The following CCDC181 variants were observed in gnomAD, a reference collection of about 807,000 sequenced individuals.
CCDC181 encodes the protein coiled-coil domain-containing protein 181.
A neutral mutation model predicts 58.7 loss-of-function variants in CCDC181; 35 were observed. That is an observed-to-expected ratio of 0.60 (90% CI 0.46 to 0.79). The LOEUF (loss-of-function observed/expected upper bound fraction) is 0.79. Among genes scored for constraint, CCDC181 ranks in the 30% least tolerant of loss-of-function variants. The pLI is 0.00. For synonymous variants in CCDC181, 183 were observed against 197.5 expected, an observed-to-expected ratio of 0.93 and a Z score of 0.62; for missense variants, 517 against 583.9, an observed-to-expected ratio of 0.89 and a Z score of 1.18.
intron 4 of CCDC181, among the ~76,000 whole-genome samples, chr1:169,405,529 C>T (rs1350399023): frequency 6.6e-6 from 1 of 152,154 alleles, no homozygotes; most frequent in Non-Finnish European, 1.5e-5. Context: ...TGATCTTTGA[C>T]AAACCTCACA....
At chr1:169,445,179 C>A (rs563536791) in intron 2 of CCDC181, among the ~76,000 whole-genome samples, 1 of 152,270 alleles carries the variant, frequency 6.6e-6, no homozygotes, top group East Asian at 1.9e-4. Flanking sequence ...TCCTTCCTAT[C>A]GTTCAGATGA....
intron 4 of CCDC181, among the ~76,000 whole-genome samples, chr1:169,410,270 C>T (rs1655893874): frequency 6.7e-6 from 1 of 150,332 alleles, no homozygotes; most frequent in East Asian, 1.9e-4. Flanking sequence ...TACTTTAAAC[C>T]AACAAAGATC....
intron 4 of CCDC181, among the ~76,000 whole-genome samples, chr1:169,402,929 T>C (rs1253468095): frequency 1.4e-5 from 2 of 147,844 alleles, no homozygotes; most frequent in Non-Finnish European, 3.0e-5. Flanking sequence ...GAGACACACA[T>C]AGGCTCAAAA....
chr1:169,422,914 T>C (rs766174697), intron 2 of CCDC181, among the ~76,000 whole-genome samples: 1 of 151,802 alleles, frequency 6.6e-6, no homozygotes, highest in East Asian at 1.9e-4. Flanking sequence ...CACCATCAGA[T>C]AACTTGGCCT....
At chr1:169,449,714 G>C (rs1226606978) in intron 2 of CCDC181, among the ~76,000 whole-genome samples, 1 of 152,210 alleles carries the variant, frequency 6.6e-6, no homozygotes, top group South Asian at 2.1e-4. Context: ...AAAGATGAAG[G>C]CTGGAAGACT....
At position 169,421,405 on chromosome 1, in the gene CCDC181, T is replaced by C. The variant is rs1656446366; in HGVS notation, c.1026A>G (p.Leu342=). ...TYCLSPRQKE[L]QKQLEEKREK... Reference sequence around the variant, plus strand: ...CTCTCTTTTCTTCTAGTTGTTTTTGTAGTTCTTTCTGTCGAGGGGAAAGAC... The same window carrying C: ...CTCTCTTTTCTTCTAGTTGTTTTTGCAGTTCTTTCTGTCGAGGGGAAAGAC... Residue 342 remains leucine, a synonymous_variant, in exon 3 of 6, where the codon CTA becomes CTG. Coordinates refer to ENST00000367806, the MANE Select transcript of CCDC181 (RefSeq NM_001300969.2). 2 of 1,612,866 alleles carry C rather than the reference T, an allele frequency of 1.2e-6. No individual in the cohort carries two copies. The highest frequency in any genetic ancestry group is 8.5e-7 in the Non-Finnish European group (1 of 1,179,848).
chr1:169,428,532 G>T (rs569051252), upstream of CCDC181, among the ~76,000 whole-genome samples: 3 of 152,260 alleles, frequency 2.0e-5, no homozygotes, highest in South Asian at 6.2e-4. Flanking sequence ...GGTTTTGGGG[G>T]AACAGGTGGT....
intron 4 of CCDC181, among the ~76,000 whole-genome samples, chr1:169,400,280 A>C (rs532367554): frequency 6.6e-6 from 1 of 152,268 alleles, no homozygotes; most frequent in African/African-American, 2.4e-5. Context: ...AGCAAAATAA[A>C]CCCATCCTAA....
At chr1:169,408,964 A>G (rs1571474673) in intron 4 of CCDC181, among the ~76,000 whole-genome samples, 1 of 152,294 alleles carries the variant, frequency 6.6e-6, no homozygotes, top group Admixed American at 6.5e-5. Flanking sequence ...AATTCCAAAA[A>G]CCAGAATGCC....
At chr1:169,455,393 T>C (rs969965929) in intron 2 of CCDC181, among the ~76,000 whole-genome samples, 3 of 152,056 alleles carry the variant, frequency 2.0e-5, no homozygotes, top group Non-Finnish European at 2.9e-5. Flanking sequence ...CTTAAGAAAA[T>C]ATATCAGGCC....
intron 2 of CCDC181, among the ~76,000 whole-genome samples, chr1:169,457,381 A>G (rs760991682): frequency 6.6e-6 from 1 of 151,806 alleles, no homozygotes; most frequent in African/African-American, 2.4e-5. Flanking sequence ...CATTCTGTTC[A>G]CCTTATATCT....
intron 4 of CCDC181, among the ~76,000 whole-genome samples, chr1:169,415,099 C>T (rs1399481685): frequency 6.6e-6 from 1 of 152,148 alleles, no homozygotes; most frequent in African/African-American, 2.4e-5. Context: ...TCCAAGATTA[C>T]TATTTACTAT....
intron 2 of CCDC181, among the ~76,000 whole-genome samples, chr1:169,455,993 T>C (rs988371185): frequency 2.0e-5 from 3 of 152,178 alleles, no homozygotes; most frequent in African/African-American, 7.2e-5. Context: ...AGATTTGATT[T>C]TTTTTCTCTC....
chr1:169,420,620 C>T (rs1370052937), intron 3 of CCDC181, among the ~76,000 whole-genome samples: 1 of 152,084 alleles, frequency 6.6e-6, no homozygotes, highest in East Asian at 1.9e-4. Flanking sequence ...GGTCACTTCT[C>T]ATGTATTATC....
intron 4 of CCDC181, among the ~76,000 whole-genome samples, chr1:169,416,425 A>G (rs1571485596): frequency 6.6e-6 from 1 of 152,240 alleles, no homozygotes; most frequent in East Asian, 1.9e-4. Flanking sequence ...CTAGTCAGCC[A>G]TCTTGGCCCC....
chr1:169,442,476 C>T (rs1378350931), intron 2 of CCDC181, among the ~76,000 whole-genome samples: 1 of 152,018 alleles, frequency 6.6e-6, no homozygotes. Context: ...CTAATAAGCT[C>T]AGATCTCTGA....
chr1:169,440,372 A>T (rs989036809), intron 2 of CCDC181, among the ~76,000 whole-genome samples: 26 of 152,234 alleles, frequency 1.7e-4, no homozygotes, highest in African/African-American at 5.8e-4. Flanking sequence ...CACTGCCTAG[A>T]CAGAGCCTGA....
chr1:169,459,607 T>G (rs943002194), intron 2 of CCDC181, among the ~76,000 whole-genome samples: 27 of 152,136 alleles, frequency 1.8e-4, no homozygotes, highest in Admixed American at 1.6e-3. Context: ...GAAAAAACTA[T>G]AACTGGGAGT....
chr1:169,429,517 C>T (rs1210602648), upstream of CCDC181, among the ~76,000 whole-genome samples: 5 of 152,010 alleles, frequency 3.3e-5, no homozygotes, highest in Non-Finnish European at 5.9e-5. Context: ...AAGGTGGTAT[C>T]GTATTGAGGT....
Sources: allele counts gnomAD v4.1 joint callset (sites outside exome capture counted in the v4.1 genomes callset), GRCh38; gene constraint gnomAD v4.1.1; transcripts MANE v1.5; gene names NCBI Gene and HGNC (gene_info 2026-07-23, HGNC 2026-07-21).